The following AKAP9 variants were observed in gnomAD, a reference collection of about 807,000 sequenced individuals.
AKAP9 encodes the protein A-kinase anchor protein 9.
AKAP9 carries 311 observed loss-of-function variants against 488.5 expected under a neutral mutation model. That is an observed-to-expected ratio of 0.64 (90% CI 0.58 to 0.70). AKAP9 has a LOEUF of 0.70. AKAP9 is among the 30% of genes least tolerant of loss of function. The pLI is 0.00. For synonymous variants in AKAP9, 1,462 were observed against 1,483.5 expected (o/e 0.99, Z 0.33); for missense variants, 4,215 against 4,374.5 (o/e 0.96, Z 1.03).
intron 16 of AKAP9, among the ~76,000 whole-genome samples, chr7:92,034,933 G>A (rs532186298): frequency 2.6e-5 from 4 of 152,032 alleles, no homozygotes; most frequent in South Asian, 2.1e-4. Flanking sequence ...TTTCATTGTT[G>A]TTTTTATTGT....
Position 91,992,200 on chromosome 7 carries a change from A to C in AKAP9, c.394A>C (p.Asn132His), listed in dbSNP as rs755049262. Residue 132 changes from asparagine (N) to histidine (H), a missense_variant, in exon 4 of 50, where the codon AAT becomes CAT. Asn to His is a moderately conservative substitution (Grantham distance 68). This residue lies in a region of AKAP9 where 2,361 missense variants were observed against 2,430.0 expected (regional missense o/e 0.97). Coordinates refer to ENST00000356239, the MANE Select transcript of AKAP9 (RefSeq NM_005751.5). Reference sequence around the variant, plus strand: ...TGTGATGAGAACAGGAAAGCCTACAAATTTATTAAGGGTACAGTATTTAAA... The same window carrying C: ...TGTGATGAGAACAGGAAAGCCTACACATTTATTAAGGGTACAGTATTTAAA... ...SFVMRTGKPTNLLREEEFGVD... is the reference protein window; with the variant it reads ...SFVMRTGKPTHLLREEEFGVD... The C allele has an allele frequency of 8.7e-6, 14 of 1,607,942 alleles. No homozygotes were observed. The Admixed American group carries it at 1.8e-4, about 21-fold the overall frequency.
intron 44 of AKAP9, among the ~76,000 whole-genome samples, 189 bp from the exon 45 acceptor site, chr7:92,100,667 A>G: frequency 6.6e-6 from 1 of 152,224 alleles, no homozygotes; most frequent in East Asian, 1.9e-4. Context: ...TTGTAAAACT[A>G]ATGTACTTAG....
intron 1 of AKAP9, among the ~76,000 whole-genome samples, chr7:91,971,726 G>A (rs1219625322): frequency 6.6e-6 from 1 of 151,236 alleles, no homozygotes; most frequent in Non-Finnish European, 1.5e-5. Flanking sequence ...TGCCACCACT[G>A]CCGGGCTAAT....
At chr7:91,964,496 CA>C (rs1025443679) in intron 1 of AKAP9, among the ~76,000 whole-genome samples, 3 of 151,518 alleles carry the variant, frequency 2.0e-5, no homozygotes, top group Non-Finnish European at 4.4e-5. Context: ...TAAATGGGTA[CA>C]ATGTACACTA....
At chr7:91,994,186 G>T (rs1001466266) in intron 5 of AKAP9, among the ~76,000 whole-genome samples, 3 of 152,170 alleles carry the variant, frequency 2.0e-5, no homozygotes, top group African/African-American at 7.2e-5. Flanking sequence ...CTTGTGGTTA[G>T]ACTAACATCT....
chr7:92,089,267 T>G (rs1051075915), intron 37 of AKAP9, 118 bp from the exon 38 acceptor site: 1 of 1,164,818 alleles, frequency 8.6e-7, no homozygotes, highest in Non-Finnish European at 1.2e-6. Context: ...TAAGAAAATT[T>G]TTTAAAAAAG....
chr7:92,069,240 G>T (rs1040700608), intron 26 of AKAP9, among the ~76,000 whole-genome samples: 4 of 152,180 alleles, frequency 2.6e-5, no homozygotes, highest in Non-Finnish European at 5.9e-5. Context: ...TCTCATACAA[G>T]AGTAAATCAG....
At position 91,980,323 on chromosome 7, in the gene AKAP9, G is replaced by A. The variant is rs1344595458; in HGVS notation, c.341G>A (p.Cys114Tyr). 3 of 1,571,160 alleles carry A rather than the reference G, an allele frequency of 1.9e-6. No individual in the cohort carries two copies. In the African/African-American group the frequency reaches 4.0e-5, roughly 21 times the overall value. ...GAAATTTCAACCACAGCAGATGACTGCAGTTCAGAGGTAAGACTAAATTAT... is the reference window on the plus strand; with the variant it reads ...GAAATTTCAACCACAGCAGATGACTACAGTTCAGAGGTAAGACTAAATTAT... ...ESEISTTADD[C>Y]SSEVNGCSFV... The change falls in exon 3 of 50, where the codon TGC becomes TAC. Residue 114 changes from cysteine to tyrosine, a missense_variant. Physicochemically the swap from Cys to Tyr is radical, Grantham distance 194. Coordinates refer to ENST00000356239, the MANE Select transcript of AKAP9 (RefSeq NM_005751.5).
At chr7:92,031,735 A>G in intron 16 of AKAP9, 131 bp downstream of exon 16, 1 of 705,006 alleles carries the variant, frequency 1.4e-6, no homozygotes, top group Non-Finnish European at 2.4e-6. Context: ...GTGATTGGAT[A>G]ATATCAATTA....
At chr7:92,046,664 C>A (rs952178321) in intron 21 of AKAP9, among the ~76,000 whole-genome samples, 2 of 152,192 alleles carry the variant, frequency 1.3e-5, no homozygotes, top group Non-Finnish European at 2.9e-5. Flanking sequence ...TAACTTCACT[C>A]TTGGTTAAGC....
chr7:91,952,228 C>T (rs1451601436), intron 1 of AKAP9, among the ~76,000 whole-genome samples: 1 of 152,154 alleles, frequency 6.6e-6, no homozygotes, highest in Non-Finnish European at 1.5e-5. Context: ...AATCACGATA[C>T]AATAAGTTAA....
intron 1 of AKAP9, among the ~76,000 whole-genome samples, chr7:91,946,151 G>C (rs1791430381): frequency 6.6e-6 from 1 of 152,152 alleles, no homozygotes; most frequent in Non-Finnish European, 1.5e-5. Context: ...TTCAGTTACT[G>C]TTTCCACTGT....
chr7:91,973,546 C>T, intron 1 of AKAP9, 165 bp from the exon 2 acceptor site: 1 of 727,170 alleles, frequency 1.4e-6, no homozygotes, highest in Non-Finnish European at 2.2e-6. Flanking sequence ...TGTTTCTTTG[C>T]ATTCCAGTAG....
Position 92,079,201 on chromosome 7 carries a change from T to G in AKAP9, c.7068T>G (p.Ile2356Met). 1 of 1,613,960 alleles carries G rather than the reference T, an allele frequency of 6.2e-7. No individual in the cohort carries two copies. Among genetic ancestry groups the G allele is most frequent in the Non-Finnish European group, 8.5e-7 (1 of 1,179,956 alleles). The change falls in exon 31 of 50, where the codon ATT becomes ATG. Residue 2356 changes from isoleucine to methionine, a missense_variant. By Grantham distance (10) the Ile-to-Met change is conservative. Coordinates refer to ENST00000356239, the MANE Select transcript of AKAP9 (RefSeq NM_005751.5). ...EEEIEQLNEV[I>M]EKLQQELANI... ...AAATAGAGCAGCTCAATGAAGTGATTGAAAAACTTCAACAGGAATTGGCAA... is the reference window on the plus strand; with the variant it reads ...AAATAGAGCAGCTCAATGAAGTGATGGAAAAACTTCAACAGGAATTGGCAA...
In AKAP9 at chr7:92,001,761, C is replaced by G; in HGVS notation, c.1844C>G (p.Ala615Gly). Reference sequence around the variant, plus strand: ...AAGAATGCTGTGTTAGACAGAATGGCTGAATCACAAGAAGCTGAATTAGAG... The same window carrying G: ...AAGAATGCTGTGTTAGACAGAATGGGTGAATCACAAGAAGCTGAATTAGAG... The part of the protein sequence containing the change: ...KEKNAVLDRM[A>G]ESQEAELERL... The change falls in exon 8 of 50, where the codon GCT (alanine) becomes GGT (glycine). Residue 615 changes from alanine to glycine, a missense_variant. This residue lies in a region of AKAP9 where 2,361 missense variants were observed against 2,430.0 expected (regional missense o/e 0.97). Transcript: ENST00000356239. 1 of 1,613,388 alleles carries G rather than the reference C, an allele frequency of 6.2e-7. No homozygotes were observed.
intron 29 of AKAP9, 132 bp from the exon 30 acceptor site, chr7:92,077,564 G>A: frequency 1.3e-6 from 1 of 785,854 alleles, no homozygotes; most frequent in Non-Finnish European, 2.1e-6. Context: ...TAGAATTATT[G>A]ATTTACAGTA....
chr7:92,071,755 C>T (rs1811769051), intron 28 of AKAP9, among the ~76,000 whole-genome samples: 1 of 152,050 alleles, frequency 6.6e-6, no homozygotes, highest in African/African-American at 2.4e-5. Context: ...TATATTTTAA[C>T]AAATAGTTAT....
Position 92,002,932 on chromosome 7 carries a change from G to A in AKAP9, c.3015G>A (p.Arg1005=). The change falls in exon 8 of 50, where the codon AGG becomes AGA. Residue 1005 remains arginine, a synonymous_variant. Coordinates refer to ENST00000356239, the MANE Select transcript of AKAP9 (RefSeq NM_005751.5). ...TAGAAATCATTATTAACCACAACAG[G>A]GCAGAAAATGTACAGTCATGTGATA... ...RELEIIINHN[R]AENVQSCDTQ... The A allele has an allele frequency of 6.2e-7, 1 of 1,611,792 alleles. No individual in the cohort carries two copies. The highest frequency in any genetic ancestry group is 2.2e-5 in the East Asian group (1 of 44,820).
intron 18 of AKAP9, chr7:92,041,132 CTTT>C: frequency 2.2e-6 from 1 of 462,674 alleles, no homozygotes; most frequent in East Asian, 3.4e-5. Context: ...TGGGCATTGT[CTTT>C]CTGTCATTTT....
Sources: allele counts gnomAD v4.1 joint callset (sites outside exome capture counted in the v4.1 genomes callset), GRCh38; gene constraint gnomAD v4.1.1; regional missense constraint gnomAD v4.1.1; transcripts MANE v1.5; gene names NCBI Gene and HGNC (gene_info 2026-07-23, HGNC 2026-07-21).